GEN1: variants seen among roughly 807,000 people sequenced by gnomAD.
The protein encoded by GEN1 is GEN1 structure-specific endonuclease, also known as flap endonuclease GEN homolog 1.
GEN1 carries 64 observed loss-of-function variants against 67.6 expected under a neutral mutation model. The ratio of observed to expected loss-of-function variants is 0.95; its 90% CI spans 0.77 to 1.17. The LOEUF is 1.17. GEN1 is among the 50% of genes most tolerant of loss of function. GEN1 has a pLI of 0.00. For synonymous variants in GEN1, 371 were observed against 359.4 expected (o/e 1.03, Z -0.37); for missense variants, 1,058 against 1,048.3 (o/e 1.01, Z -0.13).
At chr2:17,777,895 T>C (rs1009986138) in intron 11 of GEN1, 107 bp from the exon 12 acceptor site, 1 of 618,342 alleles carries the variant, frequency 1.6e-6, no homozygotes, top group Non-Finnish European at 3.0e-6. Flanking sequence ...TTCCTTAAAA[T>C]GTTTTTACCT....
At chr2:17,764,501 A>G (rs971760659) in intron 3 of GEN1, among the ~76,000 whole-genome samples, 1 of 152,246 alleles carries the variant, frequency 6.6e-6, no homozygotes, top group African/African-American at 2.4e-5. Flanking sequence ...ATTTAAATCA[A>G]CACAAAAGTA....
At chr2:17,759,386 A>C (rs73921075) in intron 1 of GEN1, among the ~76,000 whole-genome samples, 20,927 of 152,190 alleles carry the variant, frequency 0.14, 1,755 homozygotes, top group African/African-American at 0.24. Flanking sequence ...GTTAAAAGTT[A>C]TAAGTGATTA....
chr2:17,773,205 T>C lies in GEN1; in HGVS notation c.991-14T>C, dbSNP rs1269167809. 1.3e-6 allele frequency: 2 copies of C among 1,586,274 alleles called. No individual in the cohort carries two copies. The highest frequency in any genetic ancestry group is 1.3e-5 in the African/African-American group (1 of 74,082). ...AGTTTAAATCTCAGTTTCTATTTTC[T>C]TTTTTCTTGCTAGGTTATTCAAGAA... On this transcript the variant is annotated splice_polypyrimidine_tract_variant and intron_variant, in intron 9 of 13. Transcript: ENST00000381254.
chr2:17,754,610 C>G (rs915888305), intron 1 of GEN1: 2 of 152,300 alleles, frequency 1.3e-5, no homozygotes, highest in South Asian at 2.1e-4. Context: ...GCTGCTGGGT[C>G]CCGCTGTGCT....
rs1673130823 is a variant in GEN1, at chr2:17,788,691, C to T, written c.*6752C>T. On this transcript the variant is annotated 3_prime_UTR_variant, in exon 14 of 14. Coordinates refer to ENST00000381254, the MANE Select transcript of GEN1 (RefSeq NM_001130009.3). ...TGAAAAGATTCTATAGTGTTTGCGTCATCATAAGTTAAATCTTCATCTACC... is the reference window on the plus strand; with the variant it reads ...TGAAAAGATTCTATAGTGTTTGCGTTATCATAAGTTAAATCTTCATCTACC... 2 of 152,164 alleles carry T rather than the reference C, an allele frequency of 1.3e-5. No homozygotes were observed. The highest frequency in any genetic ancestry group is 4.8e-5 in the African/African-American group (2 of 41,436). 9.4% of individuals were successfully genotyped at this position (152,164 alleles called of 1,614,324 possible). A position where few individuals can be genotyped will look rare whatever the true frequency, so the allele number is the denominator to read the frequency against.
In GEN1 at chr2:17,772,680, T is replaced by C; in HGVS notation, c.849T>C (p.Ser283=). The C allele has an allele frequency of 6.2e-7, 1 of 1,612,190 alleles. No homozygotes were observed. Among genetic ancestry groups the C allele is most frequent in the Non-Finnish European group, 8.5e-7 (1 of 1,178,768 alleles). ...GTAATGGATGCAGATTATGTAAAAG[T>C]GATAAATATTGTGAGCCACATGACT... ...HERNGCRLCK[S]DKYCEPHDYE... Residue 283 remains serine (S), a synonymous_variant, in exon 8 of 14, where the codon AGT becomes AGC. Transcript: ENST00000381254.
intron 3 of GEN1, among the ~76,000 whole-genome samples, chr2:17,764,116 C>T (rs1671811874): frequency 6.6e-6 from 1 of 152,196 alleles, no homozygotes; most frequent in Admixed American, 6.5e-5. Flanking sequence ...AGGAAAGTCA[C>T]AGCAAATTAT....
intron 4 of GEN1, 117 bp from the exon 5 acceptor site, chr2:17,766,462 G>C: frequency 1.6e-6 from 1 of 617,978 alleles, no homozygotes; most frequent in Non-Finnish European, 2.8e-6. Flanking sequence ...GAGCCACCAT[G>C]CCCAGCCTGG....
rs749894942 is a variant in GEN1, at chr2:17,781,066, ATCAGCCATCCCTGAT to A, written c.1855_1869del (p.Ser619_Asp623del). The A allele has an allele frequency of 6.2e-7, 1 of 1,613,480 alleles. No individual in the cohort carries two copies. The highest frequency in any genetic ancestry group is 2.2e-5 in the East Asian group (1 of 44,864). On this transcript the variant is annotated inframe_deletion, in exon 14 of 14. Transcript: ENST00000381254. ...TAAAATCAGAAGTTGAATCAGAGCTATCAGCCATCCCTGATGGCTTTGAAAATATCCCAGAACAAC... is the reference window on the plus strand; with the variant it reads ...TAAAATCAGAAGTTGAATCAGAGCTAGGCTTTGAAAATATCCCAGAACAAC...
intron 1 of GEN1, among the ~76,000 whole-genome samples, chr2:17,756,743 T>C (rs1014022251): frequency 1.3e-5 from 2 of 152,156 alleles, no homozygotes; most frequent in African/African-American, 4.8e-5. Context: ...TATTTTTAAA[T>C]TTTACTTAAT....
chr2:17,775,740 G>A (rs1376883967), intron 11 of GEN1, among the ~76,000 whole-genome samples: 1 of 152,190 alleles, frequency 6.6e-6, no homozygotes, highest in African/African-American at 2.4e-5. Flanking sequence ...GTTTAACTCA[G>A]TGATTAATTA....
At position 17,780,854 on chromosome 2, in the gene GEN1, C is replaced by G. The variant is rs371479875; in HGVS notation, c.1642C>G (p.Leu548Val). ...LNAQEQFMSS[L>V]RPLAIQQIKA... ...TGCACAAGAACAGTTCATGTCTTCTCTAAGACCTTTGGCTATACAGCAAAT... is the reference window on the plus strand; with the variant it reads ...TGCACAAGAACAGTTCATGTCTTCTGTAAGACCTTTGGCTATACAGCAAAT... Residue 548 changes from leucine to valine, a missense_variant, in exon 14 of 14, where the codon CTA (leucine) becomes GTA (valine). Transcript: ENST00000381254. 3.1e-6 allele frequency: 5 copies of G among 1,613,946 alleles called. No homozygotes were observed. Among genetic ancestry groups the G allele is most frequent in the Non-Finnish European group, 4.2e-6 (5 of 1,179,910 alleles).
At chr2:17,760,202 C>G in intron 2 of GEN1, 98 bp downstream of exon 2, 1 of 1,183,534 alleles carries the variant, frequency 8.4e-7, no homozygotes, top group Non-Finnish European at 1.2e-6. Context: ...TGTTGTTATT[C>G]TTTTACATTT....
chr2:17,773,012 A>G, intron 8 of GEN1, 84 bp from the exon 9 acceptor site: 2 of 921,376 alleles, frequency 2.2e-6, no homozygotes, highest in Non-Finnish European at 3.4e-6. Context: ...ATTTCTTATT[A>G]AATGGGAGGA....
In GEN1 at chr2:17,781,456, T is replaced by A; in HGVS notation, c.2244T>A (p.Tyr748Ter). The A allele has an allele frequency of 6.2e-7, 1 of 1,613,554 alleles. No individual in the cohort carries two copies. Among genetic ancestry groups the A allele is most frequent in the Non-Finnish European group, 8.5e-7 (1 of 1,179,890 alleles). Residue 748 changes from tyrosine (Y) to a stop codon, truncating the protein, a stop_gained, in exon 14 of 14, where the codon TAT becomes TAA. Coordinates refer to ENST00000381254, the MANE Select transcript of GEN1 (RefSeq NM_001130009.3). LOFTEE classifies it low-confidence loss of function (END_TRUNC). ...LKGDQLLQED[Y>*]KVNTSVPYSV... Reference sequence around the variant, plus strand: ...GAGACCAGCTGCTTCAAGAAGACTATAAAGTCAATACTTCTGTCCCTTATT... The same window carrying A: ...GAGACCAGCTGCTTCAAGAAGACTAAAAAGTCAATACTTCTGTCCCTTATT...
chr2:17,764,024 G>C (rs985817905), intron 3 of GEN1, among the ~76,000 whole-genome samples: 1 of 152,186 alleles, frequency 6.6e-6, no homozygotes, highest in African/African-American at 2.4e-5. Context: ...TGACAAAAAA[G>C]AATGGCGTAT....
At chr2:17,778,138 G>A (rs1054333766) in intron 12 of GEN1, 75 bp downstream of exon 12, 16 of 541,270 alleles carry the variant, frequency 3.0e-5, no homozygotes, top group African/African-American at 4.7e-5. Context: ...TTGTATATGT[G>A]TATATATATA....
chr2:17,782,534 A>G lies in GEN1; in HGVS notation c.*595A>G, dbSNP rs980556267. On this transcript the variant is annotated 3_prime_UTR_variant, in exon 14 of 14. Transcript: ENST00000381254. ...ACTTTTGGTGTCTTAGTCTCTTTTG[A>G]GGGGCAAAAATAGAAAAGGAGAGAA... The G allele has an allele frequency of 6.6e-6, 1 of 152,144 alleles. No homozygotes were observed. Among genetic ancestry groups the G allele is most frequent in the Non-Finnish European group, 1.5e-5 (1 of 68,032 alleles). The allele number at this position is 152,144 out of a possible 1,614,324, so 9.4% of individuals were successfully genotyped here.
In GEN1 at chr2:17,760,071, A is replaced by C; in HGVS notation, c.128A>C (p.Lys43Thr). Reference sequence around the variant, plus strand: ...GTGTGTGAGGCACAGACAGTCAAAAAAATGATGGGCAGCGTCATGAAGCCC... The same window carrying C: ...GTGTGTGAGGCACAGACAGTCAAAACAATGATGGGCAGCGTCATGAAGCCC... ...LWVCEAQTVK[K>T]MMGSVMKPHL... The change falls in exon 2 of 14, where the codon AAA becomes ACA. Residue 43 changes from lysine to threonine, a missense_variant. By Grantham distance (78) the Lys-to-Thr change is moderately conservative. Coordinates refer to ENST00000381254, the MANE Select transcript of GEN1 (RefSeq NM_001130009.3). The C allele has an allele frequency of 6.2e-7, 1 of 1,614,168 alleles. No homozygotes were observed. Among genetic ancestry groups the C allele is most frequent in the Non-Finnish European group, 8.5e-7 (1 of 1,180,008 alleles).
Sources: allele counts gnomAD v4.1 joint callset (sites outside exome capture counted in the v4.1 genomes callset), GRCh38; gene constraint gnomAD v4.1.1; transcripts MANE v1.5; gene names NCBI Gene and HGNC (gene_info 2026-07-23, HGNC 2026-07-21).